Variants in MACROD2 observed in about 807,000 individuals in gnomAD.
MACROD2 encodes the protein ADP-ribose glycohydrolase MACROD2.
A neutral mutation model predicts 70.4 loss-of-function variants in MACROD2; 36 were observed. That is an observed-to-expected ratio of 0.51 (90% confidence interval 0.39 to 0.68). The LOEUF is 0.68. Ranked by LOEUF, MACROD2 falls within the 30% of genes least tolerant of loss-of-function variation. The probability of loss-of-function intolerance (pLI) is 0.00; values close to 1 mark genes in which losing one functional copy is unlikely to be tolerated. For synonymous variants in MACROD2, 172 were observed against 178.8 expected, an observed-to-expected ratio of 0.96 and a Z score of 0.30; for missense variants, 496 against 538.4, an observed-to-expected ratio of 0.92 and a Z score of 0.78.
chr20:15,720,518 G>A (rs542035854), intron 8 of MACROD2, among the ~76,000 whole-genome samples: 2 of 152,254 alleles, frequency 1.3e-5, no homozygotes, highest in South Asian at 4.1e-4. Context: ...ACCAACCGCT[G>A]CATCTTTACA....
intron 13 of MACROD2, among the ~76,000 whole-genome samples, chr20:15,982,375 G>A (rs1320869810): frequency 1.3e-5 from 2 of 152,174 alleles, no homozygotes; most frequent in African/African-American, 4.8e-5. Context: ...TTCTCAGTCT[G>A]AGGAAGGTCA....
At chr20:15,327,179 T>C (rs188253248) in intron 6 of MACROD2, among the ~76,000 whole-genome samples, 8 of 152,256 alleles carry the variant, frequency 5.3e-5, no homozygotes, top group Admixed American at 3.3e-4. Flanking sequence ...AATGTTTTAA[T>C]CTAATAATAA....
intron 7 of MACROD2, among the ~76,000 whole-genome samples, chr20:15,456,161 C>T (rs998491226): frequency 8.5e-5 from 13 of 152,128 alleles, no homozygotes; most frequent in African/African-American, 2.2e-4. Flanking sequence ...TGTTTGAGTG[C>T]CTGAAAGAGA....
intron 5 of MACROD2, among the ~76,000 whole-genome samples, chr20:15,155,577 G>A (rs2076301408): frequency 6.6e-6 from 1 of 152,154 alleles, no homozygotes; most frequent in Non-Finnish European, 1.5e-5. Flanking sequence ...GGCTGAGTGA[G>A]GTGAGCCCCT....
At chr20:15,075,207 A>T (rs1292657240) in intron 5 of MACROD2, among the ~76,000 whole-genome samples, 10 of 152,158 alleles carry the variant, frequency 6.6e-5, no homozygotes, top group African/African-American at 2.2e-4. Flanking sequence ...AATTTTCATT[A>T]AAAAATGATG....
intron 6 of MACROD2, among the ~76,000 whole-genome samples, chr20:15,313,874 ATTT>A (rs552545296): frequency 2.6e-5 from 4 of 152,170 alleles, no homozygotes; most frequent in African/African-American, 9.7e-5. Flanking sequence ...TTTCAAAAAT[ATTT>A]TTTATTTCAT....
chr20:15,316,514 T>G (rs2077812741), intron 6 of MACROD2, among the ~76,000 whole-genome samples: 1 of 152,054 alleles, frequency 6.6e-6, no homozygotes, highest in East Asian at 1.9e-4. Flanking sequence ...TATAAACATA[T>G]AGGCAACAAA....
chr20:14,251,978 C>T (rs931031350), intron 3 of MACROD2, among the ~76,000 whole-genome samples: 4 of 151,890 alleles, frequency 2.6e-5, no homozygotes, highest in African/African-American at 7.2e-5. Flanking sequence ...TAAAAAAATC[C>T]TTAATTTGGT....
chr20:14,325,597 C>G, intron 3 of MACROD2: 1 of 1,613,228 alleles, frequency 6.2e-7, no homozygotes, highest in Non-Finnish European at 8.5e-7. Flanking sequence ...ACCACTGTCT[C>G]TGTAGCTTCG....
At chr20:15,085,730 C>G (rs560439358) in intron 5 of MACROD2, among the ~76,000 whole-genome samples, 1 of 151,942 alleles carries the variant, frequency 6.6e-6, no homozygotes, top group East Asian at 1.9e-4. Context: ...ACACTGATCA[C>G]CACTTTTCAA....
At chr20:15,442,135 A>G (rs2046503495) in intron 7 of MACROD2, among the ~76,000 whole-genome samples, 2 of 152,154 alleles carry the variant, frequency 1.3e-5, no homozygotes, top group African/African-American at 4.8e-5. Context: ...ACGTAAATAA[A>G]CATAGCCCTC....
intron 6 of MACROD2, among the ~76,000 whole-genome samples, chr20:15,347,903 C>T (rs538858737): frequency 6.6e-6 from 1 of 152,254 alleles, no homozygotes; most frequent in African/African-American, 2.4e-5. Context: ...GAATATACAA[C>T]ATATAGATTC....
intron 8 of MACROD2, among the ~76,000 whole-genome samples, chr20:15,834,053 C>A (rs888055823): frequency 3.9e-5 from 6 of 152,222 alleles, no homozygotes; most frequent in Non-Finnish European, 5.9e-5. Context: ...ATCTACCCAG[C>A]TCTTTGAATA....
intron 8 of MACROD2, among the ~76,000 whole-genome samples, chr20:15,712,498 C>A (rs1600795327): frequency 6.6e-6 from 1 of 152,292 alleles, no homozygotes; most frequent in South Asian, 2.1e-4. Flanking sequence ...TTATTTTTCA[C>A]TCTATTTGTT....
intron 15 of MACROD2, among the ~76,000 whole-genome samples, chr20:16,016,886 C>T (rs889409400): frequency 1.4e-4 from 22 of 152,162 alleles, no homozygotes. Flanking sequence ...TTCCCTTTAT[C>T]CCAAACATCC....
At chr20:15,503,507 A>G (rs892373538) in intron 8 of MACROD2, among the ~76,000 whole-genome samples, 2 of 152,212 alleles carry the variant, frequency 1.3e-5, no homozygotes, top group African/African-American at 2.4e-5. Flanking sequence ...AATGTGTTGT[A>G]TAAGTGAACT....
rs149858006 is a variant in MACROD2 at position 15,718,676 on chromosome 20, G to T, written c.646-144069G>T. ...AAGAGGTAGGAAGTACTGTTTTTCA[G>T]CTGTGATTTCAGAAGTCCACGGATA... On this transcript the variant is annotated intron_variant, in intron 8 of 17. Transcript: ENST00000684519. Among the ~76,000 whole-genome samples the T allele has an allele frequency of 5.1e-3, 769 of 152,266 alleles. 8 individuals carry two copies. The highest frequency in any genetic ancestry group is 0.017 in the African/African-American group (725 of 41,550).
At chr20:13,996,945 G>A (rs935409272) in intron 1 of MACROD2, among the ~76,000 whole-genome samples, 5 of 152,162 alleles carry the variant, frequency 3.3e-5, no homozygotes, top group Admixed American at 3.3e-4. Context: ...GTTAAAACCT[G>A]TAGATTTTTA....
chr20:14,526,707 G>A lies in MACROD2; in HGVS notation c.301+33199G>A, dbSNP rs147568004. 6.9e-3 allele frequency among the ~76,000 whole-genome samples: 1,053 copies of A among 152,322 alleles called. 8 individuals carry two copies. The highest frequency in any genetic ancestry group is 0.017 in the African/African-American group (693 of 41,576). The stretch of plus-strand genomic sequence containing the variant: ...CCCCCTCACAGGGCATGTGGTGGGG[G>A]TGTGGCTCACTTCTTCAGTGTCCTG... On this transcript the variant is annotated intron_variant, in intron 4 of 17. Coordinates refer to ENST00000684519, the MANE Select transcript of MACROD2 (RefSeq NM_001351661.2).
Sources: gnomAD v4.1 joint callset for allele counts (sites outside exome capture counted in the v4.1 genomes callset) on GRCh38, gnomAD v4.1.1 for gene constraint, MANE v1.5 for transcripts, NCBI Gene and HGNC (gene_info 2026-07-23, HGNC 2026-07-21) for gene names.